Variants in PBX3 observed in about 807,000 individuals in gnomAD.
PBX3 encodes the protein PBX homeobox 3.
Under a neutral mutation model 48.5 loss-of-function variants are expected in PBX3, and 14 were observed. That is an observed-to-expected ratio of 0.29 (90% CI 0.19 to 0.45). PBX3 has a LOEUF of 0.45. Among genes scored for constraint, PBX3 ranks in the 20% least tolerant of loss-of-function variants. The pLI, the probability that PBX3 is intolerant of heterozygous loss-of-function variation, is 1.00. For synonymous variants in PBX3, 210 were observed against 200.3 expected (o/e 1.05, Z -0.41); for missense variants, 386 against 546.7 (o/e 0.71, Z 2.93).
At chr9:125,758,322 G>T (rs561615167) in intron 2 of PBX3, among the ~76,000 whole-genome samples, 2 of 150,840 alleles carry the variant, frequency 1.3e-5, no homozygotes, top group African/African-American at 4.9e-5. Flanking sequence ...GATTATCATT[G>T]TGGCTGCTTT....
chr9:125,774,911 A>G (rs2132012002), intron 2 of PBX3, among the ~76,000 whole-genome samples: 1 of 151,036 alleles, frequency 6.6e-6, no homozygotes, highest in East Asian at 1.9e-4. Flanking sequence ...TCGCTCTGTC[A>G]CCCAGACTGG....
chr9:125,952,925 A>G (rs1842222869), intron 5 of PBX3, among the ~76,000 whole-genome samples: 1 of 151,594 alleles, frequency 6.6e-6, no homozygotes, highest in Non-Finnish European at 1.5e-5. Flanking sequence ...ATGTTAGTAC[A>G]TTTTTCCTGT....
At chr9:125,822,025 G>A (rs1248642589) in intron 2 of PBX3, among the ~76,000 whole-genome samples, 1 of 151,998 alleles carries the variant, frequency 6.6e-6, no homozygotes, top group Non-Finnish European at 1.5e-5. Context: ...ATTTCATAAA[G>A]CCTCACAGAA....
chr9:125,961,064 G>A (rs1005150122), intron 6 of PBX3, among the ~76,000 whole-genome samples: 2 of 152,384 alleles, frequency 1.3e-5, no homozygotes, highest in East Asian at 1.9e-4. Context: ...CTCACTAGTA[G>A]ATTATGGAAG....
chr9:125,901,963 T>C lies in PBX3; in HGVS notation c.275-13723T>C, dbSNP rs553450190. On this transcript the variant is annotated intron_variant, in intron 2 of 8. Transcript: ENST00000373489. ...CACAATGTTGTCTTTTCTTTGCCTT[T>C]CTTTAATTGTGTCACCTTCTTTGTT... is the stretch of plus-strand genomic sequence containing the variant. Among the ~76,000 whole-genome samples, 4 of 151,878 alleles carry C rather than the reference T, an allele frequency of 2.6e-5. 1 individual carries two copies. The East Asian group carries it at 7.8e-4, about 29-fold the overall frequency.
chr9:125,928,850 A>T (rs1011619299), intron 3 of PBX3, among the ~76,000 whole-genome samples: 2 of 152,206 alleles, frequency 1.3e-5, no homozygotes, highest in African/African-American at 4.8e-5. Context: ...GCTGCTTTAC[A>T]GAGATGGCTT....
intron 2 of PBX3, among the ~76,000 whole-genome samples, chr9:125,863,231 C>T (rs1382063495): frequency 2.1e-5 from 3 of 141,886 alleles, no homozygotes; most frequent in East Asian, 2.1e-4. Flanking sequence ...TTTTTTGAGA[C>T]GGAGTCTCTG....
intron 2 of PBX3, among the ~76,000 whole-genome samples, chr9:125,801,803 A>ACACACACG: frequency 6.6e-6 from 1 of 151,802 alleles, no homozygotes; most frequent in Non-Finnish European, 1.5e-5. Context: ...ACACACACAC[A>ACACACACG]CACACACACA....
intron 2 of PBX3, among the ~76,000 whole-genome samples, chr9:125,871,477 T>C (rs1840124240): frequency 6.6e-6 from 1 of 151,546 alleles, no homozygotes; most frequent in South Asian, 2.1e-4. Flanking sequence ...GACACAGCAA[T>C]GAGTAGGAAT....
intron 2 of PBX3, among the ~76,000 whole-genome samples, chr9:125,807,423 A>G (rs1036953388): frequency 2.0e-5 from 3 of 152,184 alleles, no homozygotes; most frequent in Admixed American, 6.5e-5. Flanking sequence ...CTTTCCTAAC[A>G]GGGAGGAAGC....
intron 5 of PBX3, among the ~76,000 whole-genome samples, chr9:125,959,089 A>G (rs1842370953): frequency 6.6e-6 from 1 of 152,146 alleles, no homozygotes; most frequent in African/African-American, 2.4e-5. Context: ...CAGTATAACC[A>G]CTCCCATCTA....
chr9:125,847,822 A>G (rs1839468441), intron 2 of PBX3, among the ~76,000 whole-genome samples: 1 of 151,676 alleles, frequency 6.6e-6, no homozygotes, highest in Non-Finnish European at 1.5e-5. Context: ...TGTAAATTTA[A>G]CCTGTAGAAT....
At chr9:125,912,346 G>A (rs1260534695) in intron 2 of PBX3, among the ~76,000 whole-genome samples, 2 of 152,074 alleles carry the variant, frequency 1.3e-5, no homozygotes, top group African/African-American at 2.4e-5. Context: ...TTAGAATTGT[G>A]AAGGGTATGC....
chr9:125,874,361 TGAAATAGGTA>T (rs1283635052), intron 2 of PBX3, among the ~76,000 whole-genome samples: 3 of 152,128 alleles, frequency 2.0e-5, no homozygotes, highest in African/African-American at 7.2e-5. Context: ...ACCGTGATAT[TGAAATAGGTA>T]ACAATACAAG....
intron 2 of PBX3, among the ~76,000 whole-genome samples, chr9:125,755,679 T>G (rs920731913): frequency 1.5e-4 from 22 of 149,906 alleles, no homozygotes; most frequent in African/African-American, 5.1e-4. Context: ...TTTGTTTTTT[T>G]TTTTTTTTTT....
chr9:125,829,447 G>T (rs138961928), intron 2 of PBX3, among the ~76,000 whole-genome samples: 2,303 of 152,216 alleles, frequency 0.015, 22 homozygotes, highest in Non-Finnish European at 0.026. Flanking sequence ...TCATATTTAT[G>T]ATGATATTCT....
intron 2 of PBX3, among the ~76,000 whole-genome samples, chr9:125,913,871 A>G (rs1046732798): frequency 3.9e-5 from 6 of 152,232 alleles, no homozygotes; most frequent in Non-Finnish European, 8.8e-5. Context: ...AAACTTGAGA[A>G]GTCCTCAAAC....
intron 2 of PBX3, among the ~76,000 whole-genome samples, chr9:125,914,022 GAATTAA>G (rs926616282): frequency 6.6e-6 from 1 of 152,130 alleles, no homozygotes; most frequent in Non-Finnish European, 1.5e-5. Flanking sequence ...TTAACACAGT[GAATTAA>G]AAGAGAGGAA....
At chr9:125,862,081 G>C (rs1459272078) in intron 2 of PBX3, among the ~76,000 whole-genome samples, 1 of 152,148 alleles carries the variant, frequency 6.6e-6, no homozygotes, top group Non-Finnish European at 1.5e-5. Flanking sequence ...TCTGAAATCA[G>C]GATGCCTTTT....
Sources: allele counts gnomAD v4.1 joint callset (sites outside exome capture counted in the v4.1 genomes callset), GRCh38; gene constraint gnomAD v4.1.1; transcripts MANE v1.5; gene names NCBI Gene and HGNC (gene_info 2026-07-23, HGNC 2026-07-21).